Variants in TRPC1 observed in about 807,000 individuals in gnomAD.
TRPC1 encodes transient receptor potential cation channel subfamily C member 1.
Under a neutral mutation model 88.2 loss-of-function variants are expected in TRPC1, and 42 were observed. The observed-to-expected ratio is 0.48, with a 90% CI of 0.37 to 0.62. The LOEUF is 0.62. Among genes scored for constraint, TRPC1 ranks in the 20% least tolerant of loss-of-function variants. The pLI is 0.00. For synonymous variants in TRPC1, 288 were observed against 331.8 expected, an observed-to-expected ratio of 0.87 and a Z score of 1.43; for missense variants, 699 against 957.3, an observed-to-expected ratio of 0.73 and a Z score of 3.56.
chr3:142,725,533 T>C (rs1175968850), intron 1 of TRPC1, among the ~76,000 whole-genome samples: 4 of 152,244 alleles, frequency 2.6e-5, no homozygotes, highest in Non-Finnish European at 4.4e-5. Flanking sequence ...ATCATTTTTA[T>C]GGCCATATTA....
In TRPC1 at chr3:142,776,505, T is replaced by C. The variant is rs1935776139; in HGVS notation, c.633-1127T>C. Among the ~76,000 whole-genome samples the C allele has an allele frequency of 6.6e-6, 1 of 152,194 alleles. No individual in the cohort carries two copies. The highest frequency in any genetic ancestry group is 2.1e-4 in the South Asian group (1 of 4,834). ...TGGCAAAGGGAGTGCTTTTTTACAT[T>C]ACAGACTGTGCATAAGTAAATGATT... On this transcript the variant is annotated intron_variant, in intron 4 of 12. Coordinates refer to ENST00000476941, the MANE Select transcript of TRPC1 (RefSeq NM_001251845.2). This position sits in a 1 kb window ranked among gnomAD's most constrained non-coding sequence, Gnocchi z 4.1.
At chr3:142,778,811 T>A (rs150150800) in intron 5 of TRPC1, among the ~76,000 whole-genome samples, 1 of 152,198 alleles carries the variant, frequency 6.6e-6, no homozygotes, top group Non-Finnish European at 1.5e-5. Context: ...GTGTTCTTCA[T>A]AGACCTGAGT....
At chr3:142,764,823 G>C (rs985933669) in intron 4 of TRPC1, among the ~76,000 whole-genome samples, 3 of 152,080 alleles carry the variant, frequency 2.0e-5, no homozygotes, top group African/African-American at 4.8e-5. Context: ...GTTTTCTGTT[G>C]TTATTTCTTT....
At chr3:142,743,442 T>G in intron 2 of TRPC1, 43 bp from the exon 3 acceptor site, 8 of 1,369,006 alleles carry the variant, frequency 5.8e-6, no homozygotes, top group Non-Finnish European at 6.8e-6. Context: ...TAGTTTACCT[T>G]TTTATCTTCC....
chr3:142,751,018 A>G (rs555444106), intron 4 of TRPC1, among the ~76,000 whole-genome samples: 22 of 152,300 alleles, frequency 1.4e-4, no homozygotes, highest in African/African-American at 5.3e-4. Flanking sequence ...GTACAGCTGT[A>G]TGTGTTTGTG....
chr3:142,771,493 T>G (rs991443343), intron 4 of TRPC1, among the ~76,000 whole-genome samples: 8 of 152,182 alleles, frequency 5.3e-5, no homozygotes, highest in Admixed American at 2.6e-4. Flanking sequence ...TTATACCAGC[T>G]TAATGCCAAT....
chr3:142,740,086 C>T (rs550880165), intron 2 of TRPC1, among the ~76,000 whole-genome samples: 4 of 152,312 alleles, frequency 2.6e-5, no homozygotes, highest in Non-Finnish European at 4.4e-5. Flanking sequence ...CTAACCAATG[C>T]CTGATGATCT....
At chr3:142,735,653 G>A (rs1934104737) in intron 1 of TRPC1, among the ~76,000 whole-genome samples, 1 of 152,166 alleles carries the variant, frequency 6.6e-6, no homozygotes, top group Non-Finnish European at 1.5e-5. Context: ...GTGGGCTACA[G>A]TCACACAGAA....
intron 4 of TRPC1, among the ~76,000 whole-genome samples, chr3:142,770,070 A>G (rs879379859): frequency 1.5e-5 from 2 of 135,488 alleles, no homozygotes; most frequent in African/African-American, 2.8e-5. Flanking sequence ...AGTTGTATAT[A>G]TATTTATAGA....
Position 142,806,650 on chromosome 3 carries a change from C to G in TRPC1, c.*415C>G, listed in dbSNP as rs1026379396. The stretch of plus-strand genomic sequence containing the variant: ...AATATAGAAGTTATGTTTTAAATAT[C>G]TCTGTTTTAGGAGTTCACATATAGT... On this transcript the variant is annotated 3_prime_UTR_variant, in exon 13 of 13. Coordinates refer to ENST00000476941, the MANE Select transcript of TRPC1 (RefSeq NM_001251845.2). The G allele has an allele frequency of 1.3e-5, 2 of 153,766 alleles. No individual in the cohort carries two copies. The highest frequency in any genetic ancestry group is 4.8e-5 in the African/African-American group (2 of 41,388). The allele number at this position is 153,766 out of a possible 1,614,324, so 9.5% of individuals were successfully genotyped here.
At chr3:142,801,843 T>C (rs1021799671) in intron 9 of TRPC1, among the ~76,000 whole-genome samples, 1 of 152,180 alleles carries the variant, frequency 6.6e-6, no homozygotes, top group Admixed American at 6.5e-5. Flanking sequence ...GCAGGGTATT[T>C]TCCTTTTATC....
rs929740903 is a variant in TRPC1, at chr3:142,749,708, A to G, written c.632+1248A>G. Among the ~76,000 whole-genome samples the G allele has an allele frequency of 7.2e-5, 11 of 152,306 alleles. 1 individual carries two copies. Among genetic ancestry groups the G allele is most frequent in the African/African-American group, 1.2e-4 (5 of 41,576 alleles). ...CTACAATAACCAAAATGGCATGGTAATGTTACCAAAACAGATATATAGACC... is the reference window on the plus strand; with the variant it reads ...CTACAATAACCAAAATGGCATGGTAGTGTTACCAAAACAGATATATAGACC... On this transcript the variant is annotated intron_variant, in intron 4 of 12. Transcript: ENST00000476941.
intron 1 of TRPC1, 87 bp from the exon 2 acceptor site, chr3:142,736,292 T>G (rs553971233): frequency 9.5e-7 from 1 of 1,055,706 alleles, no homozygotes; most frequent in African/African-American, 1.6e-5. Flanking sequence ...TTTTAATCTT[T>G]TAATTCAACA....
rs1933559349 is a variant in TRPC1 at position 142,724,266 on chromosome 3, C to T, written c.-294C>T. Reference sequence around the variant, plus strand: ...GGCTGCCGCCCTGGCGCGCGCCACACTGTCGTCCCCGGACGGGCGCGGACC... The same window carrying T: ...GGCTGCCGCCCTGGCGCGCGCCACATTGTCGTCCCCGGACGGGCGCGGACC... On this transcript the variant is annotated 5_prime_UTR_variant, in exon 1 of 13. Transcript: ENST00000476941. This position sits in a 1 kb window ranked among gnomAD's most constrained non-coding sequence, Gnocchi z 5.6. 1 of 172,872 alleles carries T rather than the reference C, an allele frequency of 5.8e-6. No individual in the cohort carries two copies. Among genetic ancestry groups the T allele is most frequent in the Non-Finnish European group, 1.2e-5 (1 of 81,856 alleles). 10.7% of individuals were successfully genotyped at this position (172,872 alleles called of 1,614,324 possible).
intron 7 of TRPC1, among the ~76,000 whole-genome samples, chr3:142,788,035 A>G (rs1262997019): frequency 6.6e-6 from 1 of 152,214 alleles, no homozygotes; most frequent in Non-Finnish European, 1.5e-5. Flanking sequence ...TTGATTCAAG[A>G]TGAAGCTACA....
chr3:142,758,890 T>C (rs965875610), intron 4 of TRPC1, among the ~76,000 whole-genome samples: 15 of 145,412 alleles, frequency 1.0e-4, no homozygotes, highest in African/African-American at 3.8e-4. Flanking sequence ...GTGTTCTCAT[T>C]GTTCAATTCC....
chr3:142,753,490 G>A (rs1012782419), intron 4 of TRPC1, among the ~76,000 whole-genome samples: 3 of 152,104 alleles, frequency 2.0e-5, no homozygotes, highest in African/African-American at 7.2e-5. Flanking sequence ...AAGAGACCGG[G>A]CGCGGTGGCT....
In TRPC1 at chr3:142,767,434, G is replaced by T. The variant is rs9809475; in HGVS notation, c.633-10198G>T. ...TGCCTTCTCATTCTTATGATCCACA[G>T]AGTATTTTAAAACTTGCTGTTTTAC... On this transcript the variant is annotated intron_variant, in intron 4 of 12. Coordinates refer to ENST00000476941, the MANE Select transcript of TRPC1 (RefSeq NM_001251845.2). The surrounding 1 kb of genome is among the most constrained non-coding windows in gnomAD (Gnocchi z 5.1). 0.03 allele frequency among the ~76,000 whole-genome samples: 4,518 copies of T among 151,650 alleles called. 240 individuals carry two copies. Among genetic ancestry groups the T allele is most frequent in the African/African-American group, 0.1 (4,305 of 41,434 alleles).
At chr3:142,793,994 C>T in intron 9 of TRPC1, 1 of 735,444 alleles carries the variant, frequency 1.4e-6, no homozygotes, top group Non-Finnish European at 1.7e-6. Context: ...CTGTATACCT[C>T]TTGGGAATTG....
Sources: allele counts gnomAD v4.1 joint callset (sites outside exome capture counted in the v4.1 genomes callset), GRCh38; gene constraint gnomAD v4.1.1; non-coding constraint Gnocchi (gnomAD v3.1); transcripts MANE v1.5; gene names NCBI Gene and HGNC (gene_info 2026-07-23, HGNC 2026-07-21).